Variants in EBPL observed in about 807,000 individuals in gnomAD.
EBPL encodes the protein EBP like.
A neutral mutation model predicts 19.0 loss-of-function variants in EBPL; 20 were observed. The observed-to-expected ratio is 1.05, with a 90% CI of 0.74 to 1.53. The LOEUF (loss-of-function observed/expected upper bound fraction) is 1.53, where lower values mean the gene tolerates loss of function less well. Among genes scored for constraint, EBPL ranks in the 40% most tolerant of loss-of-function variants. The pLI is 0.00. For synonymous variants in EBPL, 107 were observed against 117.0 expected (o/e 0.91, Z 0.55); for missense variants, 219 against 261.1 (o/e 0.84, Z 1.11).
At chr13:49,666,386 C>T (rs1965227750) in intron 2 of EBPL, among the ~76,000 whole-genome samples, 1 of 152,226 alleles carries the variant, frequency 6.6e-6, no homozygotes. Context: ...TGAGGCCCCC[C>T]TGGATCTTAC....
chr13:49,685,873 A>G (rs1161908612), intron 1 of EBPL, among the ~76,000 whole-genome samples: 5 of 152,140 alleles, frequency 3.3e-5, no homozygotes, highest in African/African-American at 2.4e-5. Flanking sequence ...AGAAAAAAAA[A>G]AAAAGGGACA....
At chr13:49,662,446 A>G (rs531549062) in intron 3 of EBPL, among the ~76,000 whole-genome samples, 2 of 152,320 alleles carry the variant, frequency 1.3e-5, no homozygotes, top group Admixed American at 1.3e-4. Flanking sequence ...GGGGAAAAGG[A>G]TGGACGTATT....
At chr13:49,670,010 G>C (rs747541004) in intron 1 of EBPL, among the ~76,000 whole-genome samples, 164 bp from the exon 2 acceptor site, 11 of 152,088 alleles carry the variant, frequency 7.2e-5, no homozygotes, top group Non-Finnish European at 1.3e-4. Flanking sequence ...TACAATCTTG[G>C]GACCTGGTTA....
At chr13:49,687,670 C>T (rs1325807943) in intron 1 of EBPL, among the ~76,000 whole-genome samples, 1 of 152,160 alleles carries the variant, frequency 6.6e-6, no homozygotes, top group Admixed American at 6.5e-5. Context: ...GACAGGCCAC[C>T]ACCAGCTCAC....
chr13:49,662,040 C>T (rs1965158133), intron 3 of EBPL: 5 of 1,018,254 alleles, frequency 4.9e-6, no homozygotes, highest in South Asian at 4.1e-5. Flanking sequence ...GTCACCTAGG[C>T]TGGAGTGCAG....
At chr13:49,691,196 C>T in intron 1 of EBPL, 58 bp downstream of exon 1, 1 of 1,263,708 alleles carries the variant, frequency 7.9e-7, no homozygotes, top group Non-Finnish European at 1.0e-6. Flanking sequence ...CCCCGCCTTG[C>T]CGCCCCCGCT....
chr13:49,666,711 C>CAAAAAAAAAAAAAAAAA (rs35086927), intron 2 of EBPL, among the ~76,000 whole-genome samples: 1 of 81,018 alleles, frequency 1.2e-5, no homozygotes, highest in Non-Finnish European at 2.2e-5. Flanking sequence ...GACTCCGTCT[C>CAAAAAAAAAAAAAAAAA]AAAAAAAAAA....
chr13:49,684,952 C>T (rs1158832483), intron 1 of EBPL, among the ~76,000 whole-genome samples: 1 of 152,148 alleles, frequency 6.6e-6, no homozygotes, highest in Admixed American at 6.6e-5. Context: ...GTCGCCCAGG[C>T]TGGAGTGCAG....
intron 1 of EBPL, among the ~76,000 whole-genome samples, chr13:49,687,093 G>C (rs1244161653): frequency 6.6e-6 from 1 of 152,098 alleles, no homozygotes; most frequent in Non-Finnish European, 1.5e-5. Context: ...GTGAGCCACT[G>C]CCCAGCACTA....
chr13:49,668,442 CGGGCGCCTGTAGTCCCAGCTACTCGGGA>C (rs1481635125), intron 2 of EBPL: 1 of 232,404 alleles, frequency 4.3e-6, no homozygotes, highest in African/African-American at 2.4e-5. Context: ...GGCGTGGTGG[CGGGCGCCTGTAGTCCCAGCTACTCGGGA>C]GGCTGAGGCA....
rs769680385 is a variant in EBPL at position 49,661,211 on chromosome 13, G to A, written c.381-3C>T. 16 of 1,607,754 alleles carry A rather than the reference G, an allele frequency of 1.0e-5. No individual in the cohort carries two copies. Among genetic ancestry groups the A allele is most frequent in the Non-Finnish European group, 1.4e-5 (16 of 1,176,778 alleles). On this transcript the variant is annotated splice_region_variant and splice_polypyrimidine_tract_variant and intron_variant, in intron 3 of 3. Coordinates refer to ENST00000242827, the MANE Select transcript of EBPL (RefSeq NM_032565.5). ...ACAGGGTGATCTGCAGGAAATGCCT[G>A]TTGGAGAGAAAGAAGCCCGGGATGA... is the stretch of plus-strand genomic sequence containing the variant.
At chr13:49,683,171 C>G (rs1953960357) in intron 1 of EBPL, among the ~76,000 whole-genome samples, 1 of 151,924 alleles carries the variant, frequency 6.6e-6, no homozygotes. Context: ...GACGGGGTTT[C>G]ATCATGTTGG....
Position 49,660,766 on chromosome 13 carries a change from T to C in EBPL, c.*202A>G, listed in dbSNP as rs1965133071. On this transcript the variant is annotated 3_prime_UTR_variant, in exon 4 of 4. Coordinates refer to ENST00000242827, the MANE Select transcript of EBPL (RefSeq NM_032565.5). ...TTTATTATTACAAATTCAAATTTGT[T>C]CTCTTTTCCCTATATCACCATTTAA... The C allele has an allele frequency of 2.1e-6, 1 of 474,942 alleles. No individual in the cohort carries two copies. The allele number at this position is 474,942 out of a possible 1,614,324, so 29.4% of individuals were successfully genotyped here. A position where few individuals can be genotyped will look rare whatever the true frequency, so the allele number is the denominator to read the frequency against.
In EBPL at chr13:49,660,943, T is replaced by G; in HGVS notation, c.*25A>C. 1 of 1,569,404 alleles carries G rather than the reference T, an allele frequency of 6.4e-7. No individual in the cohort carries two copies. ...ATTCATTCTGGTTCATGAAGTTAGA[T>G]AATGGTGTTTATGGTTTTGAAAGTT... On this transcript the variant is annotated 3_prime_UTR_variant, in exon 4 of 4. Coordinates refer to ENST00000242827, the MANE Select transcript of EBPL (RefSeq NM_032565.5).
intron 1 of EBPL, among the ~76,000 whole-genome samples, chr13:49,683,844 GGAGA>G (rs553878330): frequency 1.1e-3 from 175 of 152,256 alleles, no homozygotes; most frequent in African/African-American, 4.1e-3. Flanking sequence ...CCTCGGCCTA[GGAGA>G]AAGAAAAATA....
At chr13:49,689,870 G>C (rs1954040891) in intron 1 of EBPL, among the ~76,000 whole-genome samples, 1 of 152,030 alleles carries the variant, frequency 6.6e-6, no homozygotes, top group African/African-American at 2.4e-5. Context: ...TCGGCTGGTG[G>C]CGGTGGCGGT....
At chr13:49,664,575 C>T (rs1229110932) in intron 2 of EBPL, among the ~76,000 whole-genome samples, 1 of 152,142 alleles carries the variant, frequency 6.6e-6, no homozygotes, top group Non-Finnish European at 1.5e-5. Context: ...TAATTACTTT[C>T]TTAATTTGTA....
chr13:49,663,649 C>T lies in EBPL; in HGVS notation c.242-454G>A, dbSNP rs141321387. 1.4e-3 allele frequency among the ~76,000 whole-genome samples: 210 copies of T among 152,262 alleles called. 1 individual carries two copies. Among genetic ancestry groups the T allele is most frequent in the African/African-American group, 4.8e-3 (201 of 41,564 alleles). On this transcript the variant is annotated intron_variant, in intron 2 of 3. Coordinates refer to ENST00000242827, the MANE Select transcript of EBPL (RefSeq NM_032565.5). Reference sequence around the variant, plus strand: ...ATGAAGGACATGTTTATAAAAAACACGTTTATGGCCAGGCACGGTGGCTCA... The same window carrying T: ...ATGAAGGACATGTTTATAAAAAACATGTTTATGGCCAGGCACGGTGGCTCA...
intron 1 of EBPL, chr13:49,686,548 TCCCAGGAC>T (rs1954000813): frequency 7.8e-7 from 1 of 1,289,648 alleles, no homozygotes; most frequent in Admixed American, 2.3e-5. Flanking sequence ...ATTCTGTGGA[TCCCAGGAC>T]CCCAGCACTC....
Sources: allele counts gnomAD v4.1 joint callset (sites outside exome capture counted in the v4.1 genomes callset), GRCh38; gene constraint gnomAD v4.1.1; transcripts MANE v1.5; gene names NCBI Gene and HGNC (gene_info 2026-07-23, HGNC 2026-07-21).